ADGRL2: variants seen among roughly 807,000 people sequenced by gnomAD.
ADGRL2 encodes calcium-independent alpha-latrotoxin receptor 2.
In ADGRL2, 44 loss-of-function variants were observed where a neutral mutation model predicts 157.4. That is an observed-to-expected ratio of 0.28 (90% CI 0.22 to 0.36). The LOEUF (loss-of-function observed/expected upper bound fraction) is 0.36. Ranked by LOEUF, ADGRL2 falls within the 10% of genes least tolerant of loss-of-function variation. The pLI, the probability that ADGRL2 is intolerant of heterozygous loss-of-function variation, is 1.00. For synonymous variants in ADGRL2, 585 were observed against 624.7 expected (o/e 0.94, Z 0.95); for missense variants, 1,510 against 1,768.9 (o/e 0.85, Z 2.63).
chr1:81,779,458 C>T (rs10493702), intron 2 of ADGRL2, among the ~76,000 whole-genome samples: 20,029 of 151,992 alleles, frequency 0.13, 1,437 homozygotes, highest in Admixed American at 0.17. Context: ...CTTTATTGAT[C>T]GCCCTCCTCA....
At chr1:81,641,741 A>T (rs932593960) in intron 3 of ADGRL2, among the ~76,000 whole-genome samples, 1 of 152,218 alleles carries the variant, frequency 6.6e-6, no homozygotes, top group African/African-American at 2.4e-5. Flanking sequence ...AATATCTAAA[A>T]TAAATCACCT....
intron 20 of ADGRL2, 37 bp from the exon 21 acceptor site, chr1:81,985,222 A>G: frequency 1.6e-6 from 2 of 1,257,278 alleles, no homozygotes; most frequent in Non-Finnish European, 2.3e-6. Context: ...TGGGGAAACT[A>G]ACAAAACATA....
chr1:81,554,911 A>G (rs188268787), intron 2 of ADGRL2, among the ~76,000 whole-genome samples: 7 of 152,152 alleles, frequency 4.6e-5, no homozygotes, highest in Middle Eastern at 3.4e-3. Flanking sequence ...CAGGTGTACA[A>G]TTAGTGAGGG....
intron 3 of ADGRL2, among the ~76,000 whole-genome samples, chr1:81,592,752 C>T (rs1034875280): frequency 6.6e-5 from 10 of 152,124 alleles, no homozygotes; most frequent in South Asian, 6.2e-4. Context: ...GAGGTCAATT[C>T]GCCCTTATAG....
chr1:81,406,887 G>A (rs558727740), intron 1 of ADGRL2, among the ~76,000 whole-genome samples: 2 of 152,274 alleles, frequency 1.3e-5, no homozygotes, highest in East Asian at 3.9e-4. Flanking sequence ...CTTGTGACGA[G>A]GGAGTGTTGA....
chr1:81,683,944 G>C (rs1162553079), intron 3 of ADGRL2, among the ~76,000 whole-genome samples: 1 of 151,972 alleles, frequency 6.6e-6, no homozygotes, highest in South Asian at 2.1e-4. Context: ...AGCCTCCTGA[G>C]TAGCTTGGAT....
intron 2 of ADGRL2, among the ~76,000 whole-genome samples, chr1:81,516,838 G>A (rs2079188381): frequency 6.6e-6 from 1 of 151,908 alleles, no homozygotes; most frequent in Non-Finnish European, 1.5e-5. Context: ...ATGACTTCAA[G>A]CAAATGACTG....
chr1:81,555,958 T>G (rs966987485), intron 2 of ADGRL2, among the ~76,000 whole-genome samples: 4 of 151,816 alleles, frequency 2.6e-5, no homozygotes, highest in African/African-American at 9.7e-5. Flanking sequence ...GCAGAATGAA[T>G]GGCAAAATTT....
Position 81,317,770 on chromosome 1 carries a change from CTG to C in ADGRL2, c.-302+11262_-302+11263del, listed in dbSNP as rs1204867032. Among the ~76,000 whole-genome samples, 172 of 152,174 alleles carry C rather than the reference CTG, an allele frequency of 1.1e-3. No individual in the cohort carries two copies. In the East Asian group the frequency reaches 0.03, roughly 26 times the overall value. ...AATCATTTGTAAGTAGGGGGTCTGT[CTG>C]CATATTTATTTATGTCTATATAGCT... On this transcript the variant is annotated intron_variant, in intron 1 of 24. Coordinates refer to the ADGRL2 transcript ENST00000370721.
chr1:81,389,650 T>C (rs1418481260), intron 1 of ADGRL2, among the ~76,000 whole-genome samples: 4 of 152,180 alleles, frequency 2.6e-5, no homozygotes, highest in Admixed American at 1.3e-4. Context: ...ACCTGCTGAA[T>C]GGTCTTGGGA....
chr1:81,775,228 A>G (rs75505978), intron 2 of ADGRL2, among the ~76,000 whole-genome samples: 2 of 152,186 alleles, frequency 1.3e-5, no homozygotes, highest in East Asian at 1.9e-4. Flanking sequence ...TGAAAAAAAA[A>G]CACACTGCTT....
At chr1:81,787,789 G>T (rs1168960565) in intron 2 of ADGRL2, among the ~76,000 whole-genome samples, 1 of 151,998 alleles carries the variant, frequency 6.6e-6, no homozygotes, top group Non-Finnish European at 1.5e-5. Flanking sequence ...AAATAAAGGG[G>T]CAATATAATT....
At chr1:81,927,689 C>T (rs1191266842) in intron 3 of ADGRL2, among the ~76,000 whole-genome samples, 1 of 151,896 alleles carries the variant, frequency 6.6e-6, no homozygotes, top group Non-Finnish European at 1.5e-5. Context: ...ATCTAGACTA[C>T]ACAAATTATT....
intron 1 of ADGRL2, among the ~76,000 whole-genome samples, chr1:81,805,406 A>G (rs1231873201): frequency 6.6e-6 from 1 of 152,004 alleles, no homozygotes; most frequent in Admixed American, 6.6e-5. Flanking sequence ...GTAAGCTCAT[A>G]TTTTTTATAG....
intron 2 of ADGRL2, among the ~76,000 whole-genome samples, chr1:81,900,210 T>C (rs539304125): frequency 1.3e-5 from 2 of 152,230 alleles, no homozygotes; most frequent in South Asian, 2.1e-4. Context: ...GCAAATTCCC[T>C]CTAAAACAAG....
In ADGRL2 at chr1:81,459,536, G is replaced by T. The variant is rs2077877418; in HGVS notation, c.-248+14447G>T. Among the ~76,000 whole-genome samples the T allele has an allele frequency of 1.3e-5, 2 of 152,004 alleles. 1 individual carries two copies. Among genetic ancestry groups the T allele is most frequent in the South Asian group, 4.1e-4 (2 of 4,824 alleles). On this transcript the variant is annotated intron_variant, in intron 2 of 24. Transcript: ENST00000370721. ...ATTTAAGGTGCAATAATATTTCATT[G>T]TATGTGCATACCACATTTTCTTTAT... is the stretch of plus-strand genomic sequence containing the variant.
chr1:81,396,161 C>T (rs2076651493), intron 1 of ADGRL2, among the ~76,000 whole-genome samples: 2 of 152,040 alleles, frequency 1.3e-5, no homozygotes, highest in African/African-American at 2.4e-5. Context: ...TCCATTTTTG[C>T]GTCCTCTACA....
At chr1:81,910,942 A>C (rs1203587819) in intron 3 of ADGRL2, among the ~76,000 whole-genome samples, 1 of 149,944 alleles carries the variant, frequency 6.7e-6, no homozygotes, top group Non-Finnish European at 1.5e-5. Flanking sequence ...TTTTTTTTAC[A>C]TGTGATGATA....
upstream of ADGRL2, among the ~76,000 whole-genome samples, chr1:81,699,584 G>A (rs1487765604): frequency 6.6e-6 from 1 of 152,180 alleles, no homozygotes; most frequent in East Asian, 1.9e-4. Flanking sequence ...CTTTTAAAAT[G>A]TACCTGGCAA....
Sources: allele counts gnomAD v4.1 joint callset (sites outside exome capture counted in the v4.1 genomes callset), GRCh38; gene constraint gnomAD v4.1.1; transcripts MANE v1.5; gene names NCBI Gene and HGNC (gene_info 2026-07-23, HGNC 2026-07-21).